ADGB: variants seen among roughly 807,000 people sequenced by gnomAD.
The protein encoded by ADGB is calpain-7-like protein.
Under a neutral mutation model 210.5 loss-of-function variants are expected in ADGB, and 172 were observed. The ratio of observed to expected loss-of-function variants is 0.82; its 90% CI spans 0.72 to 0.93. The LOEUF (loss-of-function observed/expected upper bound fraction) is 0.93, where lower values mean the gene tolerates loss of function less well. ADGB is among the 40% of genes least tolerant of loss of function. The pLI is 0.00. For synonymous variants in ADGB, 658 were observed against 662.7 expected, an observed-to-expected ratio of 0.99 and a Z score of 0.11; for missense variants, 2,025 against 1,964.8, an observed-to-expected ratio of 1.03 and a Z score of -0.58.
chr6:146,699,262 C>T (rs976546803), intron 12 of ADGB, among the ~76,000 whole-genome samples: 42 of 152,080 alleles, frequency 2.8e-4, no homozygotes, highest in Admixed American at 2.2e-3. Context: ...GTCAGTAGCA[C>T]GTGGTTCAGT....
intron 3 of ADGB, 104 bp downstream of exon 3, chr6:146,644,969 G>T: frequency 1.7e-6 from 1 of 580,142 alleles, no homozygotes; most frequent in Non-Finnish European, 2.8e-6. Context: ...ATTTTCTCTT[G>T]TGGTATTCAG....
intron 33 of ADGB, among the ~76,000 whole-genome samples, chr6:146,799,947 T>C (rs1222826186): frequency 6.6e-6 from 1 of 151,814 alleles, no homozygotes; most frequent in African/African-American, 2.4e-5. Flanking sequence ...GTAGCTGGGA[T>C]TACAGGCAGC....
intron 27 of ADGB, among the ~76,000 whole-genome samples, chr6:146,763,128 T>C (rs1777519948): frequency 6.6e-6 from 1 of 152,174 alleles, no homozygotes; most frequent in Non-Finnish European, 1.5e-5. Context: ...CTGTATACAG[T>C]TGGGAAGGTG....
chr6:146,630,599 G>A (rs549183105), intron 1 of ADGB, among the ~76,000 whole-genome samples: 2 of 152,062 alleles, frequency 1.3e-5, no homozygotes, highest in Non-Finnish European at 1.5e-5. Flanking sequence ...GGATCCAGAA[G>A]TGAAGAGAAA....
At chr6:146,764,815 T>C (rs568030944) in intron 28 of ADGB, among the ~76,000 whole-genome samples, 1 of 152,300 alleles carries the variant, frequency 6.6e-6, no homozygotes, top group South Asian at 2.1e-4. Context: ...TTGTTTGTTT[T>C]TTGAGATGGA....
At chr6:146,624,788 T>C (rs1227982648) in intron 1 of ADGB, among the ~76,000 whole-genome samples, 1 of 151,992 alleles carries the variant, frequency 6.6e-6, no homozygotes, top group African/African-American at 2.4e-5. Context: ...TTCATTTTTA[T>C]TTTATTCAAA....
At chr6:146,669,591 C>T (rs1467026374) in intron 7 of ADGB, among the ~76,000 whole-genome samples, 2 of 152,046 alleles carry the variant, frequency 1.3e-5, no homozygotes, top group African/African-American at 4.8e-5. Context: ...CACTTGCTTC[C>T]CTTGGTTTCC....
At chr6:146,778,452 G>T (rs1777753710) in intron 29 of ADGB, among the ~76,000 whole-genome samples, 1 of 152,056 alleles carries the variant, frequency 6.6e-6, no homozygotes, top group African/African-American at 2.4e-5. Flanking sequence ...TCTATCTTGG[G>T]TTTCTGAGAA....
intron 1 of ADGB, among the ~76,000 whole-genome samples, chr6:146,608,336 G>A (rs1050611629): frequency 3.3e-5 from 5 of 151,652 alleles, no homozygotes; most frequent in Non-Finnish European, 7.4e-5. Context: ...TTTTGGTTTT[G>A]TTGATCTCTT....
intron 1 of ADGB, among the ~76,000 whole-genome samples, chr6:146,622,971 A>G (rs1780918687): frequency 6.6e-6 from 1 of 151,912 alleles, no homozygotes; most frequent in Non-Finnish European, 1.5e-5. Flanking sequence ...ATATTTCTTT[A>G]TTCAATTGTT....
At chr6:146,659,708 T>C (rs1775829698) in intron 5 of ADGB, among the ~76,000 whole-genome samples, 1 of 152,184 alleles carries the variant, frequency 6.6e-6, no homozygotes, top group African/African-American at 2.4e-5. Context: ...AAGAACAGGG[T>C]TGTGACACAG....
intron 11 of ADGB, 30 bp from the exon 12 acceptor site, chr6:146,692,795 A>T: frequency 8.2e-7 from 1 of 1,225,538 alleles, no homozygotes; most frequent in Non-Finnish European, 1.1e-6. Context: ...TTTTAAATGT[A>T]CATCATACTT....
At chr6:146,763,062 A>G (rs1777518719) in intron 27 of ADGB, among the ~76,000 whole-genome samples, 1 of 152,082 alleles carries the variant, frequency 6.6e-6, no homozygotes, top group African/African-American at 2.4e-5. Context: ...CCACTCACCC[A>G]TCTTTGTTTC....
chr6:146,766,851 T>C (rs1243763800), intron 28 of ADGB, among the ~76,000 whole-genome samples: 1 of 152,176 alleles, frequency 6.6e-6, no homozygotes, highest in Non-Finnish European at 1.5e-5. Context: ...AGATATCCAA[T>C]TCTAGCAGTG....
At chr6:146,779,520 C>T (rs1020926364) in intron 29 of ADGB, among the ~76,000 whole-genome samples, 6 of 152,030 alleles carry the variant, frequency 3.9e-5, no homozygotes, top group Admixed American at 1.3e-4. Flanking sequence ...CTAGACACCT[C>T]ATAATTAAAC....
intron 17 of ADGB, among the ~76,000 whole-genome samples, chr6:146,722,256 C>G (rs1313242800): frequency 6.6e-6 from 1 of 152,120 alleles, no homozygotes; most frequent in East Asian, 1.9e-4. Flanking sequence ...TTTCAAGCAC[C>G]CCACTCCCCG....
Position 146,672,734 on chromosome 6 carries a change from T to TTC in ADGB, c.1087+268_1087+269insCT, listed in dbSNP as rs1776027567. Reference sequence around the variant, plus strand: ...TGTTTTCAGTTTTTCTTTCTTTTTTTTTTTTTTCTTTTTGGGATGTAGTTG... The same window carrying TTC: ...TGTTTTCAGTTTTTCTTTCTTTTTTTTCTTTTTTTCTTTTTGGGATGTAGTTG... On this transcript the variant is annotated intron_variant, in intron 8 of 35. Transcript: ENST00000397944. Among the ~76,000 whole-genome samples, 10 of 150,874 alleles carry TTC rather than the reference T, an allele frequency of 6.6e-5. No individual in the cohort carries two copies. In the South Asian group the frequency reaches 2.1e-3, roughly 32 times the overall value.
intron 26 of ADGB, among the ~76,000 whole-genome samples, chr6:146,747,769 A>G (rs1777261606): frequency 1.5e-5 from 2 of 137,412 alleles, no homozygotes; most frequent in South Asian, 2.3e-4. Context: ...GTATATACAT[A>G]TATATATATA....
At chr6:146,761,927 A>G (rs1200315164) in intron 27 of ADGB, among the ~76,000 whole-genome samples, 1 of 152,022 alleles carries the variant, frequency 6.6e-6, no homozygotes, top group East Asian at 1.9e-4. Flanking sequence ...CCTTGTCTTG[A>G]GACAACTTAA....
Sources: allele counts gnomAD v4.1 joint callset (sites outside exome capture counted in the v4.1 genomes callset), GRCh38; gene constraint gnomAD v4.1.1; transcripts MANE v1.5; gene names NCBI Gene and HGNC (gene_info 2026-07-23, HGNC 2026-07-21).